Variants in SLC35D4 observed in about 807,000 individuals in gnomAD.
The protein encoded by SLC35D4 is solute carrier family 35 member D4.
the SLC35D4 span, among the ~76,000 whole-genome samples, chr18:23,351,081 G>T: frequency 2.0e-5 from 3 of 152,052 alleles, no homozygotes; most frequent in Non-Finnish European, 2.9e-5. Context: ...TTTACATTCT[G>T]CTAGAATTGG....
the SLC35D4 span, among the ~76,000 whole-genome samples, chr18:23,355,982 T>A: frequency 9.2e-5 from 14 of 152,182 alleles, no homozygotes; most frequent in African/African-American, 3.1e-4. Context: ...GTGGTGATCG[T>A]GGCAGGACAT....
At chr18:23,388,159 G>A in the SLC35D4 span, among the ~76,000 whole-genome samples, 3 of 152,108 alleles carry the variant, frequency 2.0e-5, no homozygotes, top group South Asian at 2.1e-4. Flanking sequence ...TTTAGACTTC[G>A]ACAAGGCTTA....
At chr18:23,310,049 ATC>A in the SLC35D4 span, among the ~76,000 whole-genome samples, 1 of 152,226 alleles carries the variant, frequency 6.6e-6, no homozygotes, top group African/African-American at 2.4e-5. Flanking sequence ...GGCCGCCCTC[ATC>A]TCTCTCCAGG....
the SLC35D4 span, chr18:23,430,646 G>T: frequency 6.2e-7 from 1 of 1,612,482 alleles, no homozygotes; most frequent in Non-Finnish European, 8.5e-7. Context: ...GAATAATGTA[G>T]GGTAGGTAAA....
At chr18:23,243,808 G>A in the SLC35D4 span, among the ~76,000 whole-genome samples, 2 of 149,908 alleles carry the variant, frequency 1.3e-5, no homozygotes, top group Non-Finnish European at 3.0e-5. Context: ...GGAGGCAGAG[G>A]TTGCAGTGAG....
At chr18:23,290,303 G>A in the SLC35D4 span, among the ~76,000 whole-genome samples, 1 of 152,364 alleles carries the variant, frequency 6.6e-6, no homozygotes, top group South Asian at 2.1e-4. Context: ...GGCCTGCCCA[G>A]GGCCAATGGG....
At chr18:23,322,160 A>C in the SLC35D4 span, among the ~76,000 whole-genome samples, 1 of 152,026 alleles carries the variant, frequency 6.6e-6, no homozygotes, top group Non-Finnish European at 1.5e-5. Flanking sequence ...AGGAACCCAG[A>C]CTCCACACAG....
At chr18:23,432,432 C>G in the SLC35D4 span, among the ~76,000 whole-genome samples, 1 of 152,062 alleles carries the variant, frequency 6.6e-6, no homozygotes, top group South Asian at 2.1e-4. Flanking sequence ...CCTGTAATCC[C>G]AACACTTTGG....
the SLC35D4 span, among the ~76,000 whole-genome samples, chr18:23,302,118 T>G: frequency 1.3e-5 from 2 of 152,234 alleles, no homozygotes; most frequent in Non-Finnish European, 2.9e-5. Context: ...CTCCTAGAGC[T>G]GCTCACAGCC....
the SLC35D4 span, among the ~76,000 whole-genome samples, chr18:23,390,742 G>A: frequency 0.31 from 46,759 of 152,050 alleles, 8,572 homozygotes; most frequent in East Asian, 0.47. Flanking sequence ...CTATTCAAGC[G>A]CAAGTTCTGA....
At chr18:23,302,809 C>A in the SLC35D4 span, among the ~76,000 whole-genome samples, 1 of 152,200 alleles carries the variant, frequency 6.6e-6, no homozygotes, top group Non-Finnish European at 1.5e-5. Flanking sequence ...GGAGACCACA[C>A]GCCAACGTGA....
the SLC35D4 span, among the ~76,000 whole-genome samples, chr18:23,282,342 C>T: frequency 6.6e-6 from 1 of 152,180 alleles, no homozygotes; most frequent in African/African-American, 2.4e-5. Context: ...TAGAACTGGC[C>T]TAGGTTTATA....
At chr18:23,373,858 A>G in the SLC35D4 span, 1 of 1,391,562 alleles carries the variant, frequency 7.2e-7, no homozygotes, top group Non-Finnish European at 9.9e-7. Flanking sequence ...CTGGAGTTGG[A>G]TGAGGCAAAG....
At chr18:23,351,612 T>C in the SLC35D4 span, among the ~76,000 whole-genome samples, 2 of 152,188 alleles carry the variant, frequency 1.3e-5, no homozygotes, top group African/African-American at 4.8e-5. Flanking sequence ...GCTTACTCCT[T>C]GAAAGCAGCA....
At chr18:23,333,683 A>G in the SLC35D4 span, among the ~76,000 whole-genome samples, 1 of 152,270 alleles carries the variant, frequency 6.6e-6, no homozygotes, top group Non-Finnish European at 1.5e-5. Flanking sequence ...ACGTTTTCAC[A>G]GATAACAAAC....
At chr18:23,332,729 C>T in the SLC35D4 span, among the ~76,000 whole-genome samples, 57 of 151,306 alleles carry the variant, frequency 3.8e-4, no homozygotes, top group African/African-American at 1.1e-3. Flanking sequence ...GTATCAGGTC[C>T]GCTGAGATAC....
chr18:23,402,132 C>G, the SLC35D4 span, among the ~76,000 whole-genome samples: 79 of 152,334 alleles, frequency 5.2e-4, no homozygotes, highest in East Asian at 0.014. Context: ...AGCCACCATG[C>G]TGTCAGTGTG....
the SLC35D4 span, among the ~76,000 whole-genome samples, chr18:23,384,007 G>GGC: frequency 7.3e-6 from 1 of 137,764 alleles, no homozygotes; most frequent in East Asian, 2.4e-4. Context: ...AAATTGGGGG[G>GGC]GGGGGGTGTG....
At chr18:23,433,490 A>G in the SLC35D4 span, among the ~76,000 whole-genome samples, 1 of 152,230 alleles carries the variant, frequency 6.6e-6, no homozygotes, top group Non-Finnish European at 1.5e-5. Context: ...AATTGCTATG[A>G]GGGGAAGAAG....
Sources: allele counts gnomAD v4.1 joint callset (sites outside exome capture counted in the v4.1 genomes callset), GRCh38; gene constraint gnomAD v4.1.1; transcripts MANE v1.5; gene names NCBI Gene and HGNC (gene_info 2026-07-23, HGNC 2026-07-21).